Variants in NSMAF observed in about 807,000 individuals in gnomAD.
NSMAF encodes neutral sphingomyelinase activation associated factor, also known as protein FAN.
A neutral mutation model predicts 134.9 loss-of-function variants in NSMAF; 90 were observed. That is an observed-to-expected ratio of 0.67 (90% CI 0.56 to 0.79). NSMAF has a LOEUF of 0.79. Ranked by LOEUF, NSMAF falls within the 30% of genes least tolerant of loss-of-function variation. NSMAF has a pLI of 0.00. For synonymous variants in NSMAF, 358 were observed against 389.6 expected (o/e 0.92, Z 0.96); for missense variants, 1,010 against 1,119.0 (o/e 0.90, Z 1.39).
chr8:58,656,650 G>A (rs1807718861), intron 1 of NSMAF, among the ~76,000 whole-genome samples: 1 of 152,008 alleles, frequency 6.6e-6, no homozygotes, highest in Non-Finnish European at 1.5e-5. Flanking sequence ...CTAACACGGT[G>A]AAACCCTGTC....
intron 9 of NSMAF, among the ~76,000 whole-genome samples, chr8:58,610,873 T>C (rs1202909743): frequency 6.6e-6 from 1 of 152,158 alleles, no homozygotes; most frequent in African/African-American, 2.4e-5. Context: ...CCAAGTCCTG[T>C]GGAAGAGAAA....
At chr8:58,602,933 G>A (rs573641347) in intron 13 of NSMAF, among the ~76,000 whole-genome samples, 8 of 152,234 alleles carry the variant, frequency 5.3e-5, no homozygotes, top group African/African-American at 1.4e-4. Flanking sequence ...GGTACTTATA[G>A]GTAATAATGA....
chr8:58,598,401 T>C (rs1014780606), intron 19 of NSMAF, among the ~76,000 whole-genome samples: 9 of 148,510 alleles, frequency 6.1e-5, no homozygotes, highest in Admixed American at 2.0e-4. Flanking sequence ...GCAGGAGGAT[T>C]GCTTGAACCC....
At chr8:58,646,951 T>A (rs913016201) in intron 1 of NSMAF, among the ~76,000 whole-genome samples, 10 of 152,236 alleles carry the variant, frequency 6.6e-5, no homozygotes, top group Admixed American at 6.5e-4. Context: ...TTTCCTATTC[T>A]TACATCACCT....
At chr8:58,584,864 CTT>C (rs1805849289) in intron 30 of NSMAF, among the ~76,000 whole-genome samples, 1 of 152,182 alleles carries the variant, frequency 6.6e-6, no homozygotes, top group South Asian at 2.1e-4. Flanking sequence ...GTCTCAAACT[CTT>C]GACCTCCCAC....
chr8:58,597,608 A>T, intron 20 of NSMAF, 58 bp from the exon 21 acceptor site: 1 of 1,501,980 alleles, frequency 6.7e-7, no homozygotes. Flanking sequence ...CCTTGAAAGC[A>T]CGCATTTCAA....
rs186937494 is a variant in NSMAF at position 58,618,389 on chromosome 8, T to C, written c.557+4831A>G. 2.0e-5 allele frequency among the ~76,000 whole-genome samples: 3 copies of C among 152,020 alleles called. No individual in the cohort carries two copies. In the East Asian group the frequency reaches 5.8e-4, roughly 29 times the overall value. On this transcript the variant is annotated intron_variant, in intron 9 of 30. Transcript: ENST00000038176. ...TTATATTTTTAATGATTTTATATTT[T>C]ATTATGATTTTATTTTATTATATAT...
At chr8:58,604,049 C>T (rs1480919154) in intron 12 of NSMAF, among the ~76,000 whole-genome samples, 1 of 152,184 alleles carries the variant, frequency 6.6e-6, no homozygotes, top group Non-Finnish European at 1.5e-5. Flanking sequence ...AATGAATTAA[C>T]TGTCCTACAA....
chr8:58,606,328 CTTG>C (rs1367218568), intron 11 of NSMAF, among the ~76,000 whole-genome samples: 1 of 152,144 alleles, frequency 6.6e-6, no homozygotes, highest in African/African-American at 2.4e-5. Context: ...CTTTTGTGAA[CTTG>C]TTATTTTGAA....
At chr8:58,639,950 GACAAGAATGGA>G (rs1174064684) in intron 2 of NSMAF, 1 of 375,238 alleles carries the variant, frequency 2.7e-6, no homozygotes, top group Non-Finnish European at 5.3e-6. Context: ...TCAAAGAAGA[GACAAGAATGGA>G]ACTTACGAAA....
intron 6 of NSMAF, among the ~76,000 whole-genome samples, chr8:58,629,490 C>T (rs1019263067): frequency 6.6e-6 from 1 of 152,052 alleles, no homozygotes; most frequent in African/African-American, 2.4e-5. Context: ...TTTTGAATTC[C>T]TTGTCAGGTA....
At chr8:58,627,641 T>C (rs1056333062) in intron 6 of NSMAF, among the ~76,000 whole-genome samples, 3 of 152,302 alleles carry the variant, frequency 2.0e-5, no homozygotes, top group East Asian at 1.9e-4. Flanking sequence ...AAAATACTTA[T>C]GGTTATACTT....
At chr8:58,595,485 C>A in intron 22 of NSMAF, 75 bp downstream of exon 22, 1 of 1,006,772 alleles carries the variant, frequency 9.9e-7, no homozygotes, top group Non-Finnish European at 1.6e-6. Context: ...CAGCTTAAAA[C>A]AGTTTAATCC....
intron 1 of NSMAF, among the ~76,000 whole-genome samples, chr8:58,646,780 TCTCATC>T (rs1004693208): frequency 2.6e-5 from 4 of 152,314 alleles, no homozygotes; most frequent in African/African-American, 9.6e-5. Flanking sequence ...AATTGGATGG[TCTCATC>T]CTTTGGTATT....
At chr8:58,655,907 T>TA (rs199901708) in intron 1 of NSMAF, among the ~76,000 whole-genome samples, 15,410 of 148,048 alleles carry the variant, frequency 0.1, 812 homozygotes, top group Middle Eastern at 0.12. Context: ...TCCGTCTCAA[T>TA]AAAAAAAAAC....
intron 22 of NSMAF, 185 bp from the exon 23 acceptor site, chr8:58,594,475 G>A (rs1806090687): frequency 1.7e-6 from 1 of 588,102 alleles, no homozygotes; most frequent in Non-Finnish European, 3.0e-6. Context: ...TAACGTTCTG[G>A]CAACGCCTGT....
chr8:58,585,856 T>C (rs1431740822), intron 29 of NSMAF, 42 bp downstream of exon 29: 2 of 1,581,596 alleles, frequency 1.3e-6, no homozygotes, highest in South Asian at 2.2e-5. Context: ...ATCATGAACA[T>C]GTCTGTAAAT....
At chr8:58,606,271 A>G (rs957926871) in intron 11 of NSMAF, among the ~76,000 whole-genome samples, 19 of 152,324 alleles carry the variant, frequency 1.2e-4, no homozygotes, top group Non-Finnish European at 2.4e-4. Flanking sequence ...TATCTCAGCT[A>G]AACTTTGTAA....
chr8:58,589,345 A>T, intron 26 of NSMAF, 107 bp downstream of exon 26: 1 of 759,654 alleles, frequency 1.3e-6, no homozygotes, highest in Non-Finnish European at 1.9e-6. Flanking sequence ...CATTAGCAAT[A>T]GGTAGTTGAG....
Sources: gnomAD v4.1 joint callset for allele counts (sites outside exome capture counted in the v4.1 genomes callset) on GRCh38, gnomAD v4.1.1 for gene constraint, MANE v1.5 for transcripts, NCBI Gene and HGNC (gene_info 2026-07-23, HGNC 2026-07-21) for gene names.